Variants in TCF20 observed in about 807,000 individuals in gnomAD.
TCF20 encodes SPRE-binding protein.
A neutral mutation model predicts 148.6 loss-of-function variants in TCF20; 3 were observed. The ratio of observed to expected loss-of-function variants is 0.02; its 90% CI spans 0.01 to 0.05. The LOEUF (loss-of-function observed/expected upper bound fraction) is 0.05. Ranked by LOEUF, TCF20 falls within the 10% of genes least tolerant of loss-of-function variation. The probability of loss-of-function intolerance (pLI) is 1.00; values close to 1 mark genes in which losing one functional copy is unlikely to be tolerated. For missense variants in TCF20, 2,350 were observed against 2,429.3 expected (o/e 0.97, Z 0.69); for synonymous variants, 1,049 against 909.5 (o/e 1.15, Z -2.76).
chr22:42,195,802 A>G (rs1020374582), intron 2 of TCF20, among the ~76,000 whole-genome samples: 1 of 152,202 alleles, frequency 6.6e-6, no homozygotes, highest in African/African-American at 2.4e-5. Flanking sequence ...GCCCAGCTCA[A>G]TATTACATAC....
rs5845533 is a variant in TCF20 at position 42,338,432 on chromosome 22, A to AG, written c.-37+5046dup. 1 allele frequency among the ~76,000 whole-genome samples: 152,285 copies of AG among 152,292 alleles called. 76,139 individuals are homozygous for AG. Among genetic ancestry groups the AG allele is most frequent in the Non-Finnish European group, 1 (68,028 of 68,028 alleles). On this transcript the variant is annotated intron_variant, in intron 1 of 1. Coordinates refer to the TCF20 transcript ENST00000515426. The surrounding 1 kb of genome is among the most constrained non-coding windows in gnomAD (Gnocchi z 4.0). The stretch of plus-strand genomic sequence containing the variant: ...GCGCAGAGTCGGGAGGGGGGTGCCC[A>AG]GGGGGCCTCAGCAGAGCCCCGTCCC...
intron 1 of TCF20, among the ~76,000 whole-genome samples, chr22:42,261,263 A>C (rs923968523): frequency 6.6e-6 from 1 of 152,160 alleles, no homozygotes; most frequent in Admixed American, 6.5e-5. Context: ...TGGACTGTTT[A>C]GTTTTGGTTA....
In TCF20 at chr22:42,209,824, C is replaced by T. The variant is rs1232543014; in HGVS notation, c.5482G>A (p.Val1828Met). Residue 1828 changes from valine (V) to methionine (M), a missense_variant, in exon 2 of 6, where the codon GTG (valine) becomes ATG (methionine). Around this residue, in one of 7 missense-constraint regions of TCF20, gnomAD observed 374 missense variants for 398.3 expected, o/e 0.94. Transcript: ENST00000677622. Reference sequence around the variant, plus strand: ...GGGCCACCTTCTGAAGTGGTGGGCACGGAGGGCTTCGAGTCCAAAACAGTC... The same window carrying T: ...GGGCCACCTTCTGAAGTGGTGGGCATGGAGGGCTTCGAGTCCAAAACAGTC... Reference protein sequence around the residue: ...EKTVLDSKPSVPTTSEGGPEL... With the variant: ...EKTVLDSKPSMPTTSEGGPEL... The T allele has an allele frequency of 9.9e-6, 16 of 1,614,026 alleles. No individual in the cohort carries two copies. Among genetic ancestry groups the T allele is most frequent in the African/African-American group, 2.7e-5 (2 of 74,908 alleles).
intron 1 of TCF20, among the ~76,000 whole-genome samples, chr22:42,222,546 C>T (rs1032736131): frequency 1.3e-5 from 2 of 152,212 alleles, no homozygotes; most frequent in East Asian, 3.9e-4. Context: ...CTGCTTCTCC[C>T]CACCCTCTCA....
rs28706554 is a variant in TCF20, at chr22:42,291,945, G to A, written c.-37+51534C>T. On this transcript the variant is annotated intron_variant, in intron 1 of 1. Coordinates refer to the TCF20 transcript ENST00000515426. ...TCCAAGTTGAAACCACAGATGTGAG[G>A]GAGGAAGGTCAGGCCCCTGGCTCCA... Among the ~76,000 whole-genome samples the A allele has an allele frequency of 7.3e-3, 1,106 of 152,168 alleles. 21 individuals are homozygous for A. The highest frequency in any genetic ancestry group is 0.025 in the African/African-American group (1,056 of 41,502).
exon 1 of TCF20, chr22:42,343,531 G>A (rs1303410496): frequency 1.4e-5 from 2 of 146,928 alleles, no homozygotes; most frequent in African/African-American, 4.9e-5. Context: ...GGGCAGCGGG[G>A]CCGGGCTCCG....
chr22:42,299,867 A>G lies in TCF20; in HGVS notation c.-37+43612T>C, dbSNP rs1406465562. Among the ~76,000 whole-genome samples, 1 of 149,238 alleles carries G rather than the reference A, an allele frequency of 6.7e-6. No homozygotes were observed. Among genetic ancestry groups the G allele is most frequent in the African/African-American group, 2.5e-5 (1 of 40,424 alleles). On this transcript the variant is annotated intron_variant, in intron 1 of 1. Coordinates refer to the TCF20 transcript ENST00000515426. The surrounding 1 kb of genome is among the most constrained non-coding windows in gnomAD (Gnocchi z 4.1). ...AAGCGGAGGGGAGGAGGGAGGAGGG[A>G]AAAGACAGAAAGGGGTAGAAGGGAA...
chr22:42,323,763 G>A lies in TCF20; in HGVS notation c.-37+19716C>T, dbSNP rs577717225. 2.6e-5 allele frequency among the ~76,000 whole-genome samples: 4 copies of A among 151,814 alleles called. 1 individual carries two copies. The highest frequency in any genetic ancestry group is 1.9e-4 in the East Asian group (1 of 5,182). Reference sequence around the variant, plus strand: ...GCCTCTGCTTCCTCATCTGTAAAACGGGGATGACAACTGTACCTACTTTCC... The same window carrying A: ...GCCTCTGCTTCCTCATCTGTAAAACAGGGATGACAACTGTACCTACTTTCC... On this transcript the variant is annotated intron_variant, in intron 1 of 1. Coordinates refer to the TCF20 transcript ENST00000515426.
In TCF20 at chr22:42,215,334, C is replaced by A. The variant is rs1273335899; in HGVS notation, c.-29G>T. On this transcript the variant is annotated 5_prime_UTR_variant, in exon 2 of 6. Coordinates refer to ENST00000677622, the MANE Select transcript of TCF20 (RefSeq NM_001378418.1). ...GTTCAGCAGCACAGCAGCAGGCCAA[C>A]AGCCCTCCTAGAAATAGAAGAAAGA... 3 of 1,580,272 alleles carry A rather than the reference C, an allele frequency of 1.9e-6. No homozygotes were observed. The highest frequency in any genetic ancestry group is 4.5e-5 in the East Asian group (2 of 44,428).
At chr22:42,308,469 T>G (rs1489839612) in intron 1 of TCF20, among the ~76,000 whole-genome samples, 1 of 152,106 alleles carries the variant, frequency 6.6e-6, no homozygotes, top group Non-Finnish European at 1.5e-5. Context: ...GGCACTAATG[T>G]CACCCCCATT....
intron 1 of TCF20, among the ~76,000 whole-genome samples, chr22:42,337,546 T>C (rs1178454614): frequency 6.6e-6 from 1 of 152,244 alleles, no homozygotes; most frequent in Non-Finnish European, 1.5e-5. Context: ...TCTTCTCAGC[T>C]GGATGAGCTC....
At chr22:42,245,644 C>T (rs548436629) in intron 1 of TCF20, among the ~76,000 whole-genome samples, 1 of 152,286 alleles carries the variant, frequency 6.6e-6, no homozygotes, top group African/African-American at 2.4e-5. Context: ...CTTCCTCCAG[C>T]GCGATGTCAA....
chr22:42,254,020 G>C (rs527594887), intron 1 of TCF20, among the ~76,000 whole-genome samples: 1 of 146,586 alleles, frequency 6.8e-6, no homozygotes, highest in East Asian at 2.0e-4. Flanking sequence ...AGGTTGCGGT[G>C]AGCTGAGATC....
rs997672698 is a variant in TCF20, at chr22:42,327,121, G to A, written c.-37+16358C>T. Reference sequence around the variant, plus strand: ...AGGGGCTATATCCCAGCTTGGAGGGGAGGGGGCGGAGGCACTGGGTGCCCA... The same window carrying A: ...AGGGGCTATATCCCAGCTTGGAGGGAAGGGGGCGGAGGCACTGGGTGCCCA... On this transcript the variant is annotated intron_variant, in intron 1 of 1. Coordinates refer to the TCF20 transcript ENST00000515426. 2.6e-5 allele frequency among the ~76,000 whole-genome samples: 4 copies of A among 152,254 alleles called. No homozygotes were observed. The East Asian group carries it at 7.7e-4, about 29-fold the overall frequency.
intron 3 of TCF20, among the ~76,000 whole-genome samples, chr22:42,177,915 G>A (rs1936542583): frequency 6.6e-6 from 1 of 152,106 alleles, no homozygotes; most frequent in Admixed American, 6.6e-5. Flanking sequence ...GCTACTCTTG[G>A]TGGTTCCTGG....
intron 2 of TCF20, among the ~76,000 whole-genome samples, chr22:42,206,418 C>G (rs140961244): frequency 6.6e-6 from 1 of 152,136 alleles, no homozygotes; most frequent in East Asian, 1.9e-4. Context: ...AAAAAACAAA[C>G]AACAAAAAAC....
intron 1 of TCF20, among the ~76,000 whole-genome samples, chr22:42,306,218 A>G (rs1569205537): frequency 6.6e-6 from 1 of 152,236 alleles, no homozygotes; most frequent in Non-Finnish European, 1.5e-5. Flanking sequence ...GAAAGCCTCC[A>G]TTTTGCAGGG....
intron 2 of TCF20, among the ~76,000 whole-genome samples, chr22:42,199,622 CA>C (rs1382298258): frequency 7.0e-6 from 1 of 143,572 alleles, no homozygotes; most frequent in Non-Finnish European, 1.5e-5. Context: ...GTAATCCCGA[CA>C]CTTTGGGAGG....
chr22:42,212,550 G>GTTTCCA lies in TCF20; in HGVS notation c.2750_2755dup (p.Met917_Glu918dup). On this transcript the variant is annotated inframe_insertion, in exon 2 of 6. Coordinates refer to ENST00000677622, the MANE Select transcript of TCF20 (RefSeq NM_001378418.1). Reference sequence around the variant, plus strand: ...CTGCCCGCTCTGGGATTTCAGCTTGGTTTCCATGGACACCAAACCACCAGG... The same window carrying GTTTCCA: ...CTGCCCGCTCTGGGATTTCAGCTTGGTTTCCATTTCCATGGACACCAAACCACCAGG... The GTTTCCA allele has an allele frequency of 6.2e-7, 1 of 1,613,934 alleles. No homozygotes were observed. Among genetic ancestry groups the GTTTCCA allele is most frequent in the Non-Finnish European group, 8.5e-7 (1 of 1,179,814 alleles).
Sources: allele counts gnomAD v4.1 joint callset (sites outside exome capture counted in the v4.1 genomes callset), GRCh38; gene constraint gnomAD v4.1.1; regional missense constraint gnomAD v4.1.1; non-coding constraint Gnocchi (gnomAD v3.1); transcripts MANE v1.5; gene names NCBI Gene and HGNC (gene_info 2026-07-23, HGNC 2026-07-21).